PRR12: variants seen among roughly 807,000 people sequenced by gnomAD.
PRR12 encodes proline-rich protein 12.
PRR12 carries 12 observed loss-of-function variants against 138.0 expected under a neutral mutation model. That is an observed-to-expected ratio of 0.09 (90% CI 0.06 to 0.14). PRR12 has a LOEUF of 0.14. Ranked by LOEUF, PRR12 falls within the 10% of genes least tolerant of loss-of-function variation. PRR12 has a pLI of 1.00. For synonymous variants in PRR12, 1,567 were observed against 1,291.7 expected (o/e 1.21, Z -4.57); for missense variants, 2,692 against 2,861.3 (o/e 0.94, Z 1.35).
chr19:49,620,965 G>A (rs573484787), intron 10 of PRR12, among the ~76,000 whole-genome samples: 317 of 141,736 alleles, frequency 2.2e-3, no homozygotes, highest in Admixed American at 4.1e-3. Flanking sequence ...TGGACTCCTG[G>A]GTCTGAGGGA....
At position 49,594,725 on chromosome 19, in the gene PRR12, C is replaced by G. The variant is rs778776229; in HGVS notation, c.390C>G (p.Leu130=). 8 of 1,613,262 alleles carry G rather than the reference C, an allele frequency of 5.0e-6. No homozygotes were observed. The South Asian group carries it at 5.5e-5, about 11-fold the overall frequency. The change falls in exon 4 of 14, where the codon CTC becomes CTG. Residue 130 remains leucine (L), a synonymous_variant. Transcript: ENST00000418929. This position sits in a 1 kb window ranked among gnomAD's most constrained non-coding sequence, Gnocchi z 5.6. ...TGCACACGCCAGGCCCCACGGAGCT[C>G]TTCATCTCGGGTGCCCTGCCGGGTT... ...TAMHTPGPTE[L]FISGALPGSS... is the part of the protein sequence containing the mutation.
At position 49,596,581 on chromosome 19, in the gene PRR12, A is replaced by G; in HGVS notation, c.2246A>G (p.Tyr749Cys). 2 of 1,597,564 alleles carry G rather than the reference A, an allele frequency of 1.3e-6. No individual in the cohort carries two copies. Among genetic ancestry groups the G allele is most frequent in the Non-Finnish European group, 1.7e-6 (2 of 1,172,930 alleles). The change falls in exon 4 of 14, where the codon TAC (tyrosine) becomes TGC (cysteine). Residue 749 changes from tyrosine (Y) to cysteine (C), a missense_variant. Tyr to Cys is a radical substitution (Grantham distance 194, BLOSUM62 -2). Coordinates refer to ENST00000418929, the MANE Select transcript of PRR12 (RefSeq NM_020719.3). This position sits in a 1 kb window ranked among gnomAD's most constrained non-coding sequence, Gnocchi z 5.6. ...GGGCTGGCCACCTCTGTTGTCCACT[A>G]CGGGGCAGGCGCCAAGGAGCTGGGG... ...PEGLATSVVH[Y>C]GAGAKELGAF...
Position 49,625,090 on chromosome 19 carries a change from T to C in PRR12, c.5869-15T>C, listed in dbSNP as rs1356906862. Reference sequence around the variant, plus strand: ...GCCGGGCTGGAGGGGCTGAGGCATCTCCACTCCTACCCAGGAGTTCAAGGT... The same window carrying C: ...GCCGGGCTGGAGGGGCTGAGGCATCCCCACTCCTACCCAGGAGTTCAAGGT... On this transcript the variant is annotated splice_polypyrimidine_tract_variant and intron_variant, in intron 12 of 13. Transcript: ENST00000418929. The surrounding 1 kb of genome is among the most constrained non-coding windows in gnomAD (Gnocchi z 5.5). 1 of 1,612,660 alleles carries C rather than the reference T, an allele frequency of 6.2e-7. No individual in the cohort carries two copies. Among genetic ancestry groups the C allele is most frequent in the African/African-American group, 1.3e-5 (1 of 74,942 alleles).
Position 49,597,204 on chromosome 19 carries a change from G to T in PRR12, c.2869G>T (p.Gly957Trp). The change falls in exon 4 of 14, where the codon GGG (glycine) becomes TGG (tryptophan). Residue 957 changes from glycine (G) to tryptophan (W), a missense_variant. Transcript: ENST00000418929. This position sits in a 1 kb window ranked among gnomAD's most constrained non-coding sequence, Gnocchi z 6.3. ...CACCATGGAGGAGATGTTCGGTGGAGGGGCCGCGGACGACTACGGCAAGGC... is the reference window on the plus strand; with the variant it reads ...CACCATGGAGGAGATGTTCGGTGGATGGGCCGCGGACGACTACGGCAAGGC... ...FPTMEEMFGG[G>W]AADDYGKAGP... is the part of the protein sequence containing the mutation. 1 of 1,563,062 alleles carries T rather than the reference G, an allele frequency of 6.4e-7. No individual in the cohort carries two copies. Among genetic ancestry groups the T allele is most frequent in the East Asian group, 2.4e-5 (1 of 42,310 alleles).
At chr19:49,598,645 C>T (rs958289626) in intron 4 of PRR12, among the ~76,000 whole-genome samples, 1 of 152,008 alleles carries the variant, frequency 6.6e-6, no homozygotes, top group Non-Finnish European at 1.5e-5. Flanking sequence ...CGTAGTGAGA[C>T]CCTGGTCTCT....
rs1254474129 is a variant in PRR12, at chr19:49,615,974, A to G, written c.5252A>G (p.Glu1751Gly). Residue 1751 changes from glutamate to glycine, a missense_variant, in exon 9 of 14, where the codon GAG (glutamate) becomes GGG (glycine). Around this residue, in one of 11 missense-constraint regions of PRR12, gnomAD observed 259 missense variants for 265.1 expected, o/e 0.98. Transcript: ENST00000418929. ...GAGAAGGAGAAGGTGACACGTGGAG[A>G]GCGGCCATTGCGGGGTGAGCGGGCC... The part of the protein sequence containing the change: ...EKEKEKVTRG[E>G]RPLRGERATS... 6 of 1,552,566 alleles carry G rather than the reference A, an allele frequency of 3.9e-6. No individual in the cohort carries two copies. In the South Asian group the frequency reaches 5.9e-5, roughly 15 times the overall value.
Position 49,595,185 on chromosome 19 carries a change from C to T in PRR12, c.850C>T (p.Arg284Cys). Residue 284 changes from arginine (R) to cysteine (C), a missense_variant, in exon 4 of 14, where the codon CGC (arginine) becomes TGC (cysteine). Arg to Cys is a radical substitution (Grantham distance 180). This residue lies in a region of PRR12 where 523 missense variants were observed against 496.4 expected (regional missense o/e 1.05). Coordinates refer to ENST00000418929, the MANE Select transcript of PRR12 (RefSeq NM_020719.3). ...GPPPPERALP[R>C]QDTVIKHYQR... is the part of the protein sequence containing the mutation. ...ACCGCCGCCTGAGCGGGCCCTGCCA[C>T]GCCAGGACACGGTCATCAAGCACTA... The T allele has an allele frequency of 3.7e-6, 6 of 1,606,768 alleles. No homozygotes were observed. Among genetic ancestry groups the T allele is most frequent in the East Asian group, 2.2e-5 (1 of 44,572 alleles).
chr19:49,614,835 C>T lies in PRR12; in HGVS notation c.4891-41C>T, dbSNP rs575183271. 1.1e-5 allele frequency: 18 copies of T among 1,613,294 alleles called. No individual in the cohort carries two copies. The highest frequency in any genetic ancestry group is 1.4e-5 in the Non-Finnish European group (17 of 1,179,496). On this transcript the variant is annotated intron_variant, in intron 7 of 13. Coordinates refer to ENST00000418929, the MANE Select transcript of PRR12 (RefSeq NM_020719.3). This position sits in a 1 kb window ranked among gnomAD's most constrained non-coding sequence, Gnocchi z 5.0. ...CGGGGGTGTTGGCCATCTGGCTGGG[C>T]AGTGTGAAGAATTTCCTCATGTGCC...
rs748423991 is a variant in PRR12 at position 49,596,905 on chromosome 19, A to G, written c.2570A>G (p.His857Arg). The change falls in exon 4 of 14, where the codon CAT becomes CGT. Residue 857 changes from histidine (H) to arginine (R), a missense_variant. This residue lies in a region of PRR12 where 840 missense variants were observed against 689.8 expected (regional missense o/e 1.22). Transcript: ENST00000418929. This position sits in a 1 kb window ranked among gnomAD's most constrained non-coding sequence, Gnocchi z 5.6. ...PLQLEAHLRS[H>R]GLEPAAPSPR... is the part of the protein sequence containing the mutation. ...CAGCTCGAGGCCCACCTCCGCAGCC[A>G]TGGCCTGGAGCCCGCGGCCCCCAGC... The G allele has an allele frequency of 2.3e-6, 3 of 1,309,686 alleles. No homozygotes were observed. Among genetic ancestry groups the G allele is most frequent in the Non-Finnish European group, 3.0e-6 (3 of 1,004,692 alleles). The allele number at this position is 1,309,686 out of a possible 1,614,324, so 81.1% of individuals were successfully genotyped here.
rs1261343020 is a variant in PRR12, at chr19:49,591,692, C to G, written c.38C>G (p.Pro13Arg). ...RNYPSAGFGD[P>R]LGAGAGWSYE... is the part of the protein sequence containing the mutation. ...TACCCCAGCGCCGGCTTCGGGGACC[C>G]GCTCGGCGCCGGGGCGGGATGGAGT... is the stretch of plus-strand genomic sequence containing the variant. Residue 13 changes from proline (P) to arginine (R), a missense_variant, in exon 1 of 14, where the codon CCG becomes CGG. By Grantham distance (103) the Pro-to-Arg change is moderately radical. Coordinates refer to ENST00000418929, the MANE Select transcript of PRR12 (RefSeq NM_020719.3). 2 of 1,458,458 alleles carry G rather than the reference C, an allele frequency of 1.4e-6. No individual in the cohort carries two copies. The highest frequency in any genetic ancestry group is 1.8e-6 in the Non-Finnish European group (2 of 1,098,248). 90.3% of individuals were successfully genotyped at this position (1,458,458 alleles called of 1,614,324 possible).
In PRR12 at chr19:49,597,793, G is replaced by C; in HGVS notation, c.3458G>C (p.Arg1153Pro). The change falls in exon 4 of 14, where the codon CGG (arginine) becomes CCG (proline). Residue 1153 changes from arginine to proline, a missense_variant. Physicochemically the swap from Arg to Pro is moderately radical, Grantham distance 103. Coordinates refer to ENST00000418929, the MANE Select transcript of PRR12 (RefSeq NM_020719.3). The surrounding 1 kb of genome is among the most constrained non-coding windows in gnomAD (Gnocchi z 6.3). ...CCCAACCCAGGACCCGATGGCCCCCGGCGCCGTGGCCGCAAGCCCACGAAG... is the reference window on the plus strand; with the variant it reads ...CCCAACCCAGGACCCGATGGCCCCCCGCGCCGTGGCCGCAAGCCCACGAAG... ...CPPNPGPDGP[R>P]RRGRKPTKAK... is the part of the protein sequence containing the mutation. The C allele has an allele frequency of 1.9e-6, 3 of 1,578,012 alleles. No homozygotes were observed. Among genetic ancestry groups the C allele is most frequent in the Non-Finnish European group, 2.6e-6 (3 of 1,162,730 alleles).
intron 6 of PRR12, among the ~76,000 whole-genome samples, chr19:49,610,968 G>A (rs543990332): frequency 3.3e-5 from 5 of 151,272 alleles, no homozygotes; most frequent in East Asian, 3.9e-4. Flanking sequence ...TCAGCCTCCC[G>A]AGTAGCTGGG....
At chr19:49,615,635 G>T in intron 8 of PRR12, 112 bp from the exon 9 acceptor site, 1 of 839,502 alleles carries the variant, frequency 1.2e-6, no homozygotes, top group Admixed American at 2.6e-5. Flanking sequence ...GAGAGAGGAG[G>T]GGACAGTATG....
Position 49,597,912 on chromosome 19 carries a change from C to G in PRR12, c.3577C>G (p.Pro1193Ala), listed in dbSNP as rs776817639. ...TTAGPASAST[P>A]TDGAKKPRGR... ...TGCGGGGCCCGCCTCGGCCTCCACG[C>G]CCACCGATGGCGCCAAGAAACCCCG... is the stretch of plus-strand genomic sequence containing the variant. Residue 1193 changes from proline (P) to alanine (A), a missense_variant, in exon 4 of 14, where the codon CCC (proline) becomes GCC (alanine). Coordinates refer to ENST00000418929, the MANE Select transcript of PRR12 (RefSeq NM_020719.3). This position sits in a 1 kb window ranked among gnomAD's most constrained non-coding sequence, Gnocchi z 6.3. 7.1e-7 allele frequency: 1 copy of G among 1,408,590 alleles called. No homozygotes were observed. The highest frequency in any genetic ancestry group is 2.8e-5 in the East Asian group (1 of 35,802). 87.3% of individuals were successfully genotyped at this position (1,408,590 alleles called of 1,614,324 possible).
chr19:49,610,305 C>G (rs1308973420), intron 6 of PRR12, among the ~76,000 whole-genome samples: 1 of 152,062 alleles, frequency 6.6e-6, no homozygotes, highest in Non-Finnish European at 1.5e-5. Flanking sequence ...TCATTAATAT[C>G]GAGTCTGAGT....
intron 10 of PRR12, among the ~76,000 whole-genome samples, chr19:49,620,927 C>G (rs1421836253): frequency 8.4e-6 from 1 of 119,002 alleles, no homozygotes; most frequent in Non-Finnish European, 1.7e-5. Context: ...ACTGGACTCC[C>G]GGGTCTGAGG....
chr19:49,621,458 G>T (rs2080923153), intron 10 of PRR12, 67 bp from the exon 11 acceptor site: 1 of 1,284,958 alleles, frequency 7.8e-7, no homozygotes, highest in South Asian at 1.3e-5. Flanking sequence ...CAGACTCCAT[G>T]ACCCCACCTT....
At chr19:49,598,295 CG>C (rs1448990483) in intron 4 of PRR12, among the ~76,000 whole-genome samples, 1 of 151,708 alleles carries the variant, frequency 6.6e-6, no homozygotes, top group Non-Finnish European at 1.5e-5. Context: ...AGGATGGTCT[CG>C]ATCTCCTGGC....
chr19:49,594,959 G>A lies in PRR12; in HGVS notation c.624G>A (p.Leu208=). ...CCTCTTCACTGGGCTTCGAGCGCCT[G>A]GCAGGGGGCGGTGTCTTGGGGCCAG... is the stretch of plus-strand genomic sequence containing the variant. ...TVPSSLGFER[L]AGGGVLGPAG... Residue 208 remains leucine, a synonymous_variant, in exon 4 of 14, where the codon CTG becomes CTA. Coordinates refer to ENST00000418929, the MANE Select transcript of PRR12 (RefSeq NM_020719.3). This position sits in a 1 kb window ranked among gnomAD's most constrained non-coding sequence, Gnocchi z 5.6. 2 of 1,600,002 alleles carry A rather than the reference G, an allele frequency of 1.3e-6. No homozygotes were observed. Among genetic ancestry groups the A allele is most frequent in the Non-Finnish European group, 1.7e-6 (2 of 1,174,544 alleles).
Sources: allele counts gnomAD v4.1 joint callset (sites outside exome capture counted in the v4.1 genomes callset), GRCh38; gene constraint gnomAD v4.1.1; regional missense constraint gnomAD v4.1.1; non-coding constraint Gnocchi (gnomAD v3.1); transcripts MANE v1.5; gene names NCBI Gene and HGNC (gene_info 2026-07-23, HGNC 2026-07-21).